PTPRD: variants seen among roughly 807,000 people sequenced by gnomAD.
The protein encoded by PTPRD is protein tyrosine phosphatase receptor type D.
A neutral mutation model predicts 214.5 loss-of-function variants in PTPRD; 34 were observed. The observed-to-expected ratio is 0.16, with a 90% CI of 0.12 to 0.21. The LOEUF is 0.21. PTPRD is among the 10% of genes least tolerant of loss of function. PTPRD has a pLI of 1.00. For missense variants in PTPRD, 2,545 were observed against 2,398.7 expected (o/e 1.06, Z -1.27); for synonymous variants, 1,128 against 845.7 (o/e 1.33, Z -5.79).
At chr9:10,426,308 G>A (rs969515540) in intron 2 of PTPRD, among the ~76,000 whole-genome samples, 10 of 151,820 alleles carry the variant, frequency 6.6e-5, no homozygotes, top group Non-Finnish European at 1.5e-4. Context: ...ATTGCTCTGA[G>A]TTACTTTTTT....
intron 5 of PTPRD, among the ~76,000 whole-genome samples, chr9:9,844,458 T>C (rs983260511): frequency 2.6e-5 from 4 of 151,904 alleles, no homozygotes; most frequent in African/African-American, 9.7e-5. Context: ...GTAAATGAGA[T>C]CTTGATCAAA....
intron 12 of PTPRD, among the ~76,000 whole-genome samples, chr9:8,648,467 A>G (rs1054468602): frequency 6.6e-6 from 1 of 152,214 alleles, no homozygotes; most frequent in African/African-American, 2.4e-5. Flanking sequence ...AAATCTGTGA[A>G]GTCATTCTTA....
intron 44 of PTPRD, among the ~76,000 whole-genome samples, chr9:8,322,285 CA>C (rs1829165814): frequency 6.6e-6 from 1 of 151,948 alleles, no homozygotes; most frequent in Non-Finnish European, 1.5e-5. Flanking sequence ...CTTTAAATCA[CA>C]AACTAGAAAT....
At chr9:9,287,011 G>A (rs994161893) in intron 9 of PTPRD, among the ~76,000 whole-genome samples, 1 of 146,626 alleles carries the variant, frequency 6.8e-6, no homozygotes, top group Non-Finnish European at 1.5e-5. Flanking sequence ...GATCACTTGA[G>A]GTCAGGAGTT....
intron 9 of PTPRD, among the ~76,000 whole-genome samples, chr9:9,297,018 T>A (rs1340342172): frequency 2.0e-5 from 3 of 151,726 alleles, no homozygotes; most frequent in Non-Finnish European, 4.4e-5. Flanking sequence ...CAGACTGACT[T>A]GGAAAATGTA....
At chr9:9,863,990 T>C (rs1200472065) in intron 5 of PTPRD, among the ~76,000 whole-genome samples, 3 of 152,188 alleles carry the variant, frequency 2.0e-5, no homozygotes, top group Admixed American at 2.0e-4. Context: ...CAAAAGATTG[T>C]TCCATATGAG....
chr9:8,733,721 C>A (rs1598292180), intron 12 of PTPRD, 59 bp downstream of exon 12: 5 of 1,532,092 alleles, frequency 3.3e-6, no homozygotes, highest in South Asian at 2.4e-5. Flanking sequence ...CTGGTGCCAA[C>A]TGCAAACAAA....
At chr9:10,257,197 T>C (rs2093348658) in intron 3 of PTPRD, among the ~76,000 whole-genome samples, 1 of 152,184 alleles carries the variant, frequency 6.6e-6, no homozygotes, top group Non-Finnish European at 1.5e-5. Flanking sequence ...TTTAGACACG[T>C]TTTTGCTTCT....
chr9:8,679,090 G>A (rs2097497921), intron 12 of PTPRD, among the ~76,000 whole-genome samples: 1 of 152,088 alleles, frequency 6.6e-6, no homozygotes, highest in Admixed American at 6.6e-5. Context: ...AATGGAAGGT[G>A]GTAGTACAGG....
chr9:8,770,497 C>G (rs1255393922), intron 11 of PTPRD, among the ~76,000 whole-genome samples: 5 of 152,108 alleles, frequency 3.3e-5, no homozygotes, highest in African/African-American at 1.2e-4. Flanking sequence ...AATATACTCT[C>G]TAAACTGTGT....
intron 8 of PTPRD, among the ~76,000 whole-genome samples, chr9:9,445,656 T>C (rs534371061): frequency 5.3e-5 from 8 of 152,156 alleles, no homozygotes; most frequent in Admixed American, 1.3e-4. Context: ...CTCATGAGAA[T>C]TCAATCACTA....
chr9:10,445,411 G>A (rs1473751916), intron 2 of PTPRD, among the ~76,000 whole-genome samples: 1 of 152,026 alleles, frequency 6.6e-6, no homozygotes, highest in Non-Finnish European at 1.5e-5. Context: ...TGCAATAGGA[G>A]CAATGAAGTA....
At chr9:9,776,617 C>G (rs896960730) in intron 5 of PTPRD, among the ~76,000 whole-genome samples, 3 of 152,134 alleles carry the variant, frequency 2.0e-5, no homozygotes, top group Non-Finnish European at 4.4e-5. Context: ...ATACGATCTA[C>G]TCCCTTCTAG....
At chr9:10,151,764 A>G (rs188753572) in intron 3 of PTPRD, among the ~76,000 whole-genome samples, 225 of 152,160 alleles carry the variant, frequency 1.5e-3, no homozygotes, top group African/African-American at 5.2e-3. Flanking sequence ...ACCTTTCTTC[A>G]CCTCTAAGCC....
intron 5 of PTPRD, among the ~76,000 whole-genome samples, chr9:9,838,861 T>A (rs997742701): frequency 5.3e-5 from 8 of 152,208 alleles, no homozygotes; most frequent in Admixed American, 2.6e-4. Flanking sequence ...TCCTGAATGG[T>A]AATGCCTAGG....
chr9:8,977,678 T>A (rs1004009031), intron 11 of PTPRD, among the ~76,000 whole-genome samples: 1 of 151,908 alleles, frequency 6.6e-6, no homozygotes, highest in South Asian at 2.1e-4. Flanking sequence ...TTTTTTTTTT[T>A]TTTTGCTAGT....
chr9:9,970,010 T>A (rs537092719), intron 4 of PTPRD, among the ~76,000 whole-genome samples: 1 of 152,026 alleles, frequency 6.6e-6, no homozygotes, highest in Non-Finnish European at 1.5e-5. Context: ...TCAGTAGACA[T>A]TAGAGAAAAA....
chr9:10,249,765 G>T (rs779029384), intron 3 of PTPRD, among the ~76,000 whole-genome samples: 1 of 151,818 alleles, frequency 6.6e-6, no homozygotes, highest in African/African-American at 2.4e-5. Flanking sequence ...GCATTTTAAG[G>T]TCTGGTAACA....
At chr9:8,389,540 G>C in intron 36 of PTPRD, 133 bp from the exon 37 acceptor site, 1 of 600,832 alleles carries the variant, frequency 1.7e-6, no homozygotes, top group Non-Finnish European at 2.7e-6. Flanking sequence ...TGAAGGTCGG[G>C]TTTCAAGCAA....
Sources: gnomAD v4.1 joint callset for allele counts (sites outside exome capture counted in the v4.1 genomes callset) on GRCh38, gnomAD v4.1.1 for gene constraint, MANE v1.5 for transcripts, NCBI Gene and HGNC (gene_info 2026-07-23, HGNC 2026-07-21) for gene names.